The following LRRC4C variants were observed in gnomAD, a reference collection of about 807,000 sequenced individuals.
LRRC4C encodes leucine rich repeat containing 4C.
In LRRC4C, 5 loss-of-function variants were observed where a neutral mutation model predicts 33.6. The ratio of observed to expected loss-of-function variants is 0.15; its 90% confidence interval spans 0.08 to 0.31. The LOEUF is 0.31. Among genes scored for constraint, LRRC4C ranks in the 10% least tolerant of loss-of-function variants. The probability of loss-of-function intolerance (pLI) is 1.00; values close to 1 mark genes in which losing one functional copy is unlikely to be tolerated. For missense variants in LRRC4C, 560 were observed against 796.7 expected (o/e 0.70, Z 3.58); for synonymous variants, 329 against 302.0 (o/e 1.09, Z -0.93).
chr11:40,653,666 T>G (rs1329034717), intron 2 of LRRC4C, among the ~76,000 whole-genome samples: 3 of 152,210 alleles, frequency 2.0e-5, no homozygotes, highest in Non-Finnish European at 4.4e-5. Flanking sequence ...ATTTGCAGCC[T>G]GATGATGCGA....
intron 1 of LRRC4C, among the ~76,000 whole-genome samples, chr11:41,164,481 A>G (rs2136052280): frequency 6.6e-6 from 1 of 152,324 alleles, no homozygotes; most frequent in African/African-American, 2.4e-5. Flanking sequence ...AAAGAATAGA[A>G]TAGTAAACAT....
At chr11:41,320,645 A>G (rs1950930497) in intron 1 of LRRC4C, among the ~76,000 whole-genome samples, 1 of 152,200 alleles carries the variant, frequency 6.6e-6, no homozygotes, top group Non-Finnish European at 1.5e-5. Context: ...ATTGCTGCAT[A>G]ACTAAGACAA....
chr11:40,775,395 C>T (rs1482262077), intron 2 of LRRC4C, among the ~76,000 whole-genome samples: 1 of 144,444 alleles, frequency 6.9e-6, no homozygotes, highest in Non-Finnish European at 1.5e-5. Context: ...GCCTGGATGA[C>T]AAGGCGAGAC....
intron 2 of LRRC4C, among the ~76,000 whole-genome samples, chr11:40,696,039 A>ATGTGTG (rs1210814141): frequency 5.4e-5 from 7 of 128,472 alleles, no homozygotes; most frequent in African/African-American, 3.1e-4. Flanking sequence ...GTGTATATAT[A>ATGTGTG]TATGTGTGTG....
At chr11:40,565,669 A>G (rs924673069) in intron 3 of LRRC4C, among the ~76,000 whole-genome samples, 1 of 151,984 alleles carries the variant, frequency 6.6e-6, no homozygotes, top group Non-Finnish European at 1.5e-5. Flanking sequence ...TTCTCTCCCC[A>G]TGTGCCTTCA....
chr11:41,394,905 T>C (rs1000240511), intron 1 of LRRC4C: 1 of 151,962 alleles, frequency 6.6e-6, no homozygotes, highest in African/African-American at 2.4e-5. Context: ...AAAATAAAAA[T>C]GCTATCGTGG....
intron 1 of LRRC4C, among the ~76,000 whole-genome samples, chr11:41,126,399 G>T (rs1253172986): frequency 1.3e-5 from 2 of 151,728 alleles, no homozygotes; most frequent in African/African-American, 4.8e-5. Context: ...GTTGCAATAG[G>T]GATCCTCATT....
chr11:40,447,433 T>G (rs536760996), intron 3 of LRRC4C, among the ~76,000 whole-genome samples: 40 of 152,240 alleles, frequency 2.6e-4, no homozygotes, highest in African/African-American at 8.4e-4. Context: ...GATGGATTAT[T>G]TATCTCAACT....
intron 1 of LRRC4C, among the ~76,000 whole-genome samples, chr11:41,067,968 A>G (rs776207221): frequency 6.6e-6 from 1 of 152,202 alleles, no homozygotes; most frequent in African/African-American, 2.4e-5. Flanking sequence ...AAGATCTCCA[A>G]CTGACACCCT....
At chr11:40,691,294 C>A (rs1234213380) in intron 2 of LRRC4C, among the ~76,000 whole-genome samples, 2 of 151,982 alleles carry the variant, frequency 1.3e-5, no homozygotes, top group Non-Finnish European at 2.9e-5. Flanking sequence ...CCCACAGGGA[C>A]TCATAGGGAG....
intron 6 of LRRC4C, among the ~76,000 whole-genome samples, chr11:40,135,446 C>T (rs1856903462): frequency 6.6e-6 from 1 of 152,118 alleles, no homozygotes; most frequent in Non-Finnish European, 1.5e-5. Context: ...AAAGTAAAAA[C>T]TCCCTGTATT....
At chr11:40,868,132 A>T (rs972983981) in intron 2 of LRRC4C, among the ~76,000 whole-genome samples, 1 of 152,070 alleles carries the variant, frequency 6.6e-6, no homozygotes, top group East Asian at 1.9e-4. Context: ...TCACAAGCTA[A>T]TTGTTTTTTC....
At chr11:40,132,633 C>G (rs934799100) in intron 6 of LRRC4C, among the ~76,000 whole-genome samples, 4 of 151,810 alleles carry the variant, frequency 2.6e-5, no homozygotes, top group African/African-American at 9.7e-5. Flanking sequence ...ATGCCTGATG[C>G]GAAAGGAGAA....
intron 1 of LRRC4C, among the ~76,000 whole-genome samples, chr11:41,196,942 T>C (rs1356208627): frequency 6.6e-6 from 1 of 152,020 alleles, no homozygotes; most frequent in African/African-American, 2.4e-5. Context: ...ACACAATGGA[T>C]TGAAAGGAAG....
chr11:40,742,468 AC>A (rs2136915909), intron 2 of LRRC4C, among the ~76,000 whole-genome samples: 1 of 152,122 alleles, frequency 6.6e-6, no homozygotes, highest in African/African-American at 2.4e-5. Context: ...CACATTTTGC[AC>A]CTGTGTCTGT....
At position 40,268,883 on chromosome 11, in the gene LRRC4C, G is replaced by A. The variant is rs78039913; in HGVS notation, c.-175-27285C>T. Among the ~76,000 whole-genome samples, 18 of 152,260 alleles carry A rather than the reference G, an allele frequency of 1.2e-4. No homozygotes were observed. In the East Asian group the frequency reaches 2.1e-3, roughly 18 times the overall value. ...GGAGATCCTATGCATAGCCAGGACTGAGAACCGCCAGTCTAGAGACTCTAG... is the reference window on the plus strand; with the variant it reads ...GGAGATCCTATGCATAGCCAGGACTAAGAACCGCCAGTCTAGAGACTCTAG... On this transcript the variant is annotated intron_variant, in intron 4 of 6. Coordinates refer to ENST00000528697, the MANE Select transcript of LRRC4C (RefSeq NM_001258419.2).
chr11:41,310,696 A>G (rs2137176673), intron 1 of LRRC4C, among the ~76,000 whole-genome samples: 1 of 152,328 alleles, frequency 6.6e-6, no homozygotes, highest in Middle Eastern at 3.4e-3. Context: ...TTACAACAGC[A>G]TTCATAGCAA....
chr11:40,719,519 A>G (rs1946902116), intron 2 of LRRC4C, among the ~76,000 whole-genome samples: 1 of 152,218 alleles, frequency 6.6e-6, no homozygotes, highest in Non-Finnish European at 1.5e-5. Context: ...ACAGAATGAG[A>G]AATCCAATTC....
In LRRC4C at chr11:40,223,753, A is replaced by G. The variant is rs150028585; in HGVS notation, c.-96+17766T>C. On this transcript the variant is annotated intron_variant, in intron 5 of 6. Transcript: ENST00000528697. ...TGCAGAATGAAAAGTGCCAACCACA[A>G]TTTTATTTGCAGCGTCTTTGGGGAA... Among the ~76,000 whole-genome samples the G allele has an allele frequency of 3.0e-3, 452 of 152,308 alleles. 1 individual carries two copies. The highest frequency in any genetic ancestry group is 0.01 in the Middle Eastern group (3 of 294).
Sources: allele counts gnomAD v4.1 joint callset (sites outside exome capture counted in the v4.1 genomes callset), GRCh38; gene constraint gnomAD v4.1.1; transcripts MANE v1.5; gene names NCBI Gene and HGNC (gene_info 2026-07-23, HGNC 2026-07-21).